WDR37: variants seen among roughly 807,000 people sequenced by gnomAD.
The protein encoded by WDR37 is WD repeat domain 37.
WDR37 carries 19 observed loss-of-function variants against 62.9 expected under a neutral mutation model. The ratio of observed to expected loss-of-function variants is 0.30; its 90% CI spans 0.21 to 0.44. The LOEUF (loss-of-function observed/expected upper bound fraction) is 0.44. Among genes scored for constraint, WDR37 ranks in the 20% least tolerant of loss-of-function variants. The pLI, the probability that WDR37 is intolerant of heterozygous loss-of-function variation, is 1.00. For missense variants in WDR37, 474 were observed against 657.6 expected (o/e 0.72, Z 3.05); for synonymous variants, 250 against 260.9 (o/e 0.96, Z 0.40).
intron 6 of WDR37, among the ~76,000 whole-genome samples, chr10:1,084,913 G>C (rs540093839): frequency 1.3e-5 from 2 of 152,356 alleles, no homozygotes; most frequent in South Asian, 4.1e-4. Context: ...ATACTTGTTT[G>C]GAATGGATTT....
At chr10:1,107,983 A>G (rs927745546) in intron 11 of WDR37, among the ~76,000 whole-genome samples, 4 of 152,306 alleles carry the variant, frequency 2.6e-5, no homozygotes, top group Admixed American at 2.0e-4. Flanking sequence ...CTGTTGTTGT[A>G]TTGCAGCACT....
Position 1,092,344 on chromosome 10 carries a change from C to T in WDR37, c.605-1108C>T, listed in dbSNP as rs951828286. 2.0e-5 allele frequency among the ~76,000 whole-genome samples: 3 copies of T among 150,818 alleles called. No individual in the cohort carries two copies. The South Asian group carries it at 6.4e-4, about 32-fold the overall frequency. ...CGGTCTCTACTAAAAATACAAAAGA[C>T]CGTGTCTCTACTAAAAATACAAAAG... On this transcript the variant is annotated intron_variant, in intron 7 of 13. Coordinates refer to ENST00000263150, the MANE Select transcript of WDR37 (RefSeq NM_014023.4).
chr10:1,086,643 T>C (rs549620330), intron 7 of WDR37, among the ~76,000 whole-genome samples: 13 of 152,342 alleles, frequency 8.5e-5, no homozygotes, highest in African/African-American at 2.9e-4. Context: ...GTAACTGAAA[T>C]GTGTGCGTTA....
chr10:1,079,675 C>G (rs113293543), intron 3 of WDR37, among the ~76,000 whole-genome samples: 8 of 151,964 alleles, frequency 5.3e-5, no homozygotes, highest in African/African-American at 1.9e-4. Flanking sequence ...GCTGGGATTA[C>G]AGGCATGCAC....
intron 12 of WDR37, 101 bp downstream of exon 12, chr10:1,124,453 G>A (rs1288181384): frequency 2.0e-5 from 30 of 1,511,948 alleles, no homozygotes; most frequent in African/African-American, 1.9e-4. Flanking sequence ...ATAGAACCCC[G>A]GGAACAATGG....
chr10:1,072,609 C>T (rs1023201448), intron 2 of WDR37, among the ~76,000 whole-genome samples: 6 of 152,066 alleles, frequency 3.9e-5, no homozygotes, highest in African/African-American at 1.4e-4. Flanking sequence ...CCACCGGCCC[C>T]GGGATCAAGG....
At chr10:1,078,035 A>AGCT in intron 3 of WDR37, 32 bp downstream of exon 3, 1 of 1,499,378 alleles carries the variant, frequency 6.7e-7, no homozygotes, top group Non-Finnish European at 9.2e-7. Flanking sequence ...ATACTTTTAT[A>AGCT]GCTTTACCTA....
At chr10:1,097,022 T>A (rs1266476830) in intron 9 of WDR37, among the ~76,000 whole-genome samples, 1 of 152,206 alleles carries the variant, frequency 6.6e-6, no homozygotes, top group Non-Finnish European at 1.5e-5. Flanking sequence ...AAAGTGATCC[T>A]CATTACAAAA....
chr10:1,130,172 A>AG lies in WDR37; in HGVS notation c.*829dup, dbSNP rs1380791232. On this transcript the variant is annotated 3_prime_UTR_variant, in exon 14 of 14. Transcript: ENST00000263150. ...TTGATAAGAGGCCGCCTGCACACAGAGCCCAGTTAATTCTCCGCACCTCGG... is the reference window on the plus strand; with the variant it reads ...TTGATAAGAGGCCGCCTGCACACAGAGGCCCAGTTAATTCTCCGCACCTCGG... 6.6e-6 allele frequency: 1 copy of AG among 152,648 alleles called. No homozygotes were observed. Among genetic ancestry groups the AG allele is most frequent in the African/African-American group, 2.4e-5 (1 of 41,446 alleles). 9.5% of individuals were successfully genotyped at this position (152,648 alleles called of 1,614,324 possible). A position where few individuals can be genotyped will look rare whatever the true frequency, so the allele number is the denominator to read the frequency against.
rs574908633 is a variant in WDR37, at chr10:1,127,271, T to C, written c.1354-1942T>C. On this transcript the variant is annotated intron_variant, in intron 13 of 13. Transcript: ENST00000263150. ...GTGTAGACAGTTTTATTTTCAGTTA[T>C]CTGTGAACATTCAACTTTGTTGATG... Among the ~76,000 whole-genome samples the C allele has an allele frequency of 3.3e-5, 5 of 152,370 alleles. No homozygotes were observed. The South Asian group carries it at 8.3e-4, about 25-fold the overall frequency.
At chr10:1,073,331 G>A (rs988796452) in intron 2 of WDR37, among the ~76,000 whole-genome samples, 1 of 152,154 alleles carries the variant, frequency 6.6e-6, no homozygotes, top group African/African-American at 2.4e-5. Context: ...TGTGAATATT[G>A]GATTTTGTTA....
rs576135560 is a variant in WDR37 at position 1,088,068 on chromosome 10, TC to T, written c.604+1713del. On this transcript the variant is annotated intron_variant, in intron 7 of 13. Transcript: ENST00000263150. ...CCTCATAAACAACTCTCTGCCAGCTTCCAGCTTTTCTTCCGCAGCTCCCTCA... is the reference window on the plus strand; with the variant it reads ...CCTCATAAACAACTCTCTGCCAGCTTCAGCTTTTCTTCCGCAGCTCCCTCA... Among the ~76,000 whole-genome samples the T allele has an allele frequency of 5.8e-3, 877 of 152,294 alleles. 11 individuals are homozygous for T. The highest frequency in any genetic ancestry group is 0.02 in the African/African-American group (830 of 41,562).
chr10:1,103,923 T>G lies in WDR37; in HGVS notation c.961+87T>G. The G allele has an allele frequency of 2.3e-6, 3 of 1,319,142 alleles. No individual in the cohort carries two copies. The highest frequency in any genetic ancestry group is 3.2e-6 in the Non-Finnish European group (3 of 945,458). 81.7% of individuals were successfully genotyped at this position (1,319,142 alleles called of 1,614,324 possible). ...TATGTCTGACCTTGCCACTTACTTC[T>G]TGACCAGAATGAGTCTCTGTGTTCT... On this transcript the variant is annotated intron_variant, in intron 10 of 13. Transcript: ENST00000263150. This position sits in a 1 kb window ranked among gnomAD's most constrained non-coding sequence, Gnocchi z 6.3.
At chr10:1,123,887 T>G in intron 11 of WDR37, 1 of 234,782 alleles carries the variant, frequency 4.3e-6, no homozygotes, top group Non-Finnish European at 8.3e-6. Context: ...GAATGGATTT[T>G]TTAAATTCTC....
chr10:1,060,413 G>A (rs1233275585), intron 1 of WDR37, among the ~76,000 whole-genome samples: 1 of 152,196 alleles, frequency 6.6e-6, no homozygotes, highest in Admixed American at 6.5e-5. Flanking sequence ...AGGATAAAGA[G>A]ATTGAATTTT....
chr10:1,064,346 C>T (rs1017256816), intron 1 of WDR37, among the ~76,000 whole-genome samples: 5 of 151,794 alleles, frequency 3.3e-5, no homozygotes, highest in Non-Finnish European at 5.9e-5. Flanking sequence ...CATCAGAGGT[C>T]TAGAAAGAGA....
intron 1 of WDR37, among the ~76,000 whole-genome samples, chr10:1,066,841 G>T (rs117715269): frequency 6.6e-6 from 1 of 152,364 alleles, no homozygotes; most frequent in Non-Finnish European, 1.5e-5. Context: ...ATGGCAGAAG[G>T]CAAAGAGGAG....
At chr10:1,126,819 G>T (rs1407095731) in intron 13 of WDR37, among the ~76,000 whole-genome samples, 1 of 152,224 alleles carries the variant, frequency 6.6e-6, no homozygotes, top group Non-Finnish European at 1.5e-5. Context: ...CTGAGACCGG[G>T]TGTCTCTTCA....
At chr10:1,059,653 C>G (rs1457164501) in intron 1 of WDR37, among the ~76,000 whole-genome samples, 4 of 151,764 alleles carry the variant, frequency 2.6e-5, no homozygotes, top group African/African-American at 9.7e-5. Context: ...AAAAAATTAG[C>G]CAGGCGTGGT....
Sources: allele counts gnomAD v4.1 joint callset (sites outside exome capture counted in the v4.1 genomes callset), GRCh38; gene constraint gnomAD v4.1.1; non-coding constraint Gnocchi (gnomAD v3.1); transcripts MANE v1.5; gene names NCBI Gene and HGNC (gene_info 2026-07-23, HGNC 2026-07-21).